The following DMD variants were observed in gnomAD, a reference collection of about 807,000 sequenced individuals.
DMD encodes dystrophin, also known as mutant dystrophin.
Under a neutral mutation model 330.1 loss-of-function variants are expected in DMD, and 63 were observed. The ratio of observed to expected loss-of-function variants is 0.19; its 90% CI spans 0.16 to 0.24. The LOEUF (loss-of-function observed/expected upper bound fraction) is 0.24, where lower values mean the gene tolerates loss of function less well. Ranked by LOEUF, DMD falls within the 10% of genes least tolerant of loss-of-function variation. DMD has a pLI of 1.00. For missense variants in DMD, 3,344 were observed against 2,684.1 expected (o/e 1.25, Z -5.43); for synonymous variants, 1,223 against 959.8 (o/e 1.27, Z -5.07).
At chrX:32,761,363 G>C (rs776173874) in intron 7 of DMD, among the ~76,000 whole-genome samples, 2 of 111,858 alleles carry the variant, frequency 1.8e-5, no homozygotes, top group African/African-American at 6.5e-5. Flanking sequence ...TGTGCTTCTA[G>C]AATACAAAGA....
chrX:31,697,647 CGATATACATTCTTGACT>C (rs1164367535), intron 52 of DMD, among the ~76,000 whole-genome samples: 1 of 112,051 alleles, frequency 8.9e-6, no homozygotes, highest in South Asian at 3.7e-4. Flanking sequence ...GTTTAATTAT[CGATATACATTCTTGACT>C]GATATAAATT....
chrX:32,082,391 GCTATCTATCTAT>G lies in DMD; in HGVS notation c.6439-113889_6439-113878del, dbSNP rs74475298. On this transcript the variant is annotated intron_variant, in intron 44 of 78. Transcript: ENST00000357033. ...CTACAGGGGCACACTACCTCGCCCG[GCTATCTATCTAT>G]CTATCTATCTATCTATCTATCTATC... Among the ~76,000 whole-genome samples the G allele has an allele frequency of 1.6e-3, 155 of 95,327 alleles. 1 individual carries two copies. Among genetic ancestry groups the G allele is most frequent in the East Asian group, 5.2e-3 (15 of 2,882 alleles). 82.8% of individuals were successfully genotyped at this position (95,327 alleles called of 115,157 possible). A position where few individuals can be genotyped will look rare whatever the true frequency, so the allele number is the denominator to read the frequency against.
intron 9 of DMD, among the ~76,000 whole-genome samples, chrX:32,655,537 T>G (rs759505853): frequency 1.8e-5 from 2 of 112,139 alleles, no homozygotes; most frequent in South Asian, 7.5e-4. Flanking sequence ...TTACATTTGC[T>G]GAGGGGTGCT....
intron 54 of DMD, among the ~76,000 whole-genome samples, chrX:31,645,680 G>A (rs1358680614): frequency 8.9e-6 from 1 of 112,122 alleles, no homozygotes; most frequent in Non-Finnish European, 1.9e-5. Context: ...TCTATGCATA[G>A]TATTGGACCA....
intron 30 of DMD, among the ~76,000 whole-genome samples, chrX:32,410,944 G>C (rs2147924891): frequency 9.0e-6 from 1 of 111,361 alleles, no homozygotes; most frequent in South Asian, 3.8e-4. Context: ...TGAAGCATGG[G>C]AGTGAGTGCA....
chrX:32,792,315 T>C (rs904424267), intron 7 of DMD, among the ~76,000 whole-genome samples: 4 of 109,279 alleles, frequency 3.7e-5, no homozygotes, highest in African/African-American at 1.0e-4. Context: ...CAACTAGTAG[T>C]GCAAACACAC....
intron 50 of DMD, among the ~76,000 whole-genome samples, chrX:31,789,679 TAAAAGTA>T (rs902960501): frequency 9.0e-6 from 1 of 111,529 alleles, no homozygotes; most frequent in African/African-American, 3.2e-5. Flanking sequence ...AGATAAGAAC[TAAAAGTA>T]AAATGTATTT....
At chrX:31,566,953 G>C (rs774318668) in intron 55 of DMD, among the ~76,000 whole-genome samples, 7 of 110,844 alleles carry the variant, frequency 6.3e-5, no homozygotes, top group African/African-American at 9.8e-5. Context: ...ATGATTTTTT[G>C]ACTTTATGAT....
chrX:33,133,163 C>T (rs1472583878), intron 1 of DMD, among the ~76,000 whole-genome samples: 1 of 110,957 alleles, frequency 9.0e-6, no homozygotes, highest in Non-Finnish European at 1.9e-5. Context: ...AAAGATCTGG[C>T]TACAATAATT....
chrX:32,494,023 C>T (rs1487718612), intron 19 of DMD, among the ~76,000 whole-genome samples: 1 of 111,565 alleles, frequency 9.0e-6, no homozygotes, highest in Non-Finnish European at 1.9e-5. Context: ...TGAGAAAGGT[C>T]AACCATACAA....
intron 63 of DMD, among the ~76,000 whole-genome samples, chrX:31,239,765 A>G (rs949815725): frequency 1.8e-5 from 2 of 112,105 alleles, no homozygotes; most frequent in Admixed American, 1.9e-4. Flanking sequence ...AATTTTTAAG[A>G]TTCAGCTCCT....
At chrX:31,193,708 T>C (rs2042605251) in intron 67 of DMD, among the ~76,000 whole-genome samples, 2 of 111,919 alleles carry the variant, frequency 1.8e-5, no homozygotes, top group South Asian at 7.6e-4. Flanking sequence ...TTCTTAGTGA[T>C]ACCAATAGGA....
intron 1 of DMD, among the ~76,000 whole-genome samples, chrX:33,235,984 C>T (rs1239734483): frequency 5.7e-5 from 6 of 105,036 alleles, no homozygotes; most frequent in Non-Finnish European, 9.8e-5. Context: ...GGCGCGATCT[C>T]GGCTCACTGC....
intron 50 of DMD, among the ~76,000 whole-genome samples, chrX:31,802,650 C>A (rs758152487): frequency 9.0e-6 from 1 of 111,452 alleles, no homozygotes; most frequent in South Asian, 3.8e-4. Context: ...AGTGGTGCTA[C>A]AAAACCTGAA....
chrX:31,338,032 C>T (rs934356444), intron 61 of DMD, among the ~76,000 whole-genome samples: 1 of 110,988 alleles, frequency 9.0e-6, no homozygotes, highest in Non-Finnish European at 1.9e-5. Flanking sequence ...TTCACCCAGC[C>T]GCAGTTGTTG....
At chrX:32,810,330 C>G (rs1033030698) in intron 6 of DMD, among the ~76,000 whole-genome samples, 3 of 111,433 alleles carry the variant, frequency 2.7e-5, no homozygotes, top group East Asian at 2.8e-4. Context: ...TTTTATATGT[C>G]TAACCCAGAC....
At chrX:31,484,007 G>A (rs1198077455) in intron 57 of DMD, among the ~76,000 whole-genome samples, 3 of 110,887 alleles carry the variant, frequency 2.7e-5, no homozygotes, top group Non-Finnish European at 5.7e-5. Flanking sequence ...TAAAAAAAAA[G>A]CAATGTAGAA....
chrX:32,343,081 G>A (rs1308944149), intron 40 of DMD, 53 bp downstream of exon 40: 10 of 1,089,072 alleles, frequency 9.2e-6, no homozygotes, highest in Non-Finnish European at 2.5e-6. Flanking sequence ...ATCTTCACAG[G>A]TTAATTAAAC....
rs1249935795 is a variant in DMD, at chrX:31,841,071, G to A, written c.7099-4252C>T. 5.4e-5 allele frequency among the ~76,000 whole-genome samples: 6 copies of A among 111,814 alleles called. No homozygotes were observed. The East Asian group carries it at 1.7e-3, about 31-fold the overall frequency. ...TAGGCCTCTTGTGCCCGTTAGCTAA[G>A]TTGTGAATGCAAAGGAAAAATTCTT... On this transcript the variant is annotated intron_variant, in intron 48 of 78. Coordinates refer to ENST00000357033, the MANE Select transcript of DMD (RefSeq NM_004006.3).
Sources: allele counts gnomAD v4.1 joint callset (sites outside exome capture counted in the v4.1 genomes callset), GRCh38; gene constraint gnomAD v4.1.1; transcripts MANE v1.5; gene names NCBI Gene and HGNC (gene_info 2026-07-23, HGNC 2026-07-21).